Variants in SLC22A14 observed in about 807,000 individuals in gnomAD.
SLC22A14 encodes the protein organic cation transporter-like 4.
A neutral mutation model predicts 53.9 loss-of-function variants in SLC22A14; 50 were observed. The observed-to-expected ratio is 0.93, with a 90% confidence interval of 0.74 to 1.17. SLC22A14 has a LOEUF of 1.17. Ranked by LOEUF, SLC22A14 falls within the 50% of genes most tolerant of loss-of-function variation. SLC22A14 has a pLI of 0.00. For missense variants in SLC22A14, 671 were observed against 734.7 expected, an observed-to-expected ratio of 0.91 and a Z score of 1.00; for synonymous variants, 312 against 303.0, an observed-to-expected ratio of 1.03 and a Z score of -0.31.
intron 1 of SLC22A14, among the ~76,000 whole-genome samples, chr3:38,286,446 G>C (rs140820702): frequency 6.7e-6 from 1 of 148,612 alleles, no homozygotes; most frequent in Admixed American, 6.7e-5. Flanking sequence ...AGACAGAGTC[G>C]CTCTGTCACC....
intron 1 of SLC22A14, among the ~76,000 whole-genome samples, chr3:38,284,632 T>C (rs547972384): frequency 6.6e-6 from 1 of 152,132 alleles, no homozygotes; most frequent in Non-Finnish European, 1.5e-5. Flanking sequence ...TCTTCTGCAG[T>C]GCTTAGGGAG....
intron 5 of SLC22A14, among the ~76,000 whole-genome samples, chr3:38,310,148 T>G (rs1344372744): frequency 6.6e-6 from 1 of 151,628 alleles, no homozygotes; most frequent in Non-Finnish European, 1.5e-5. Flanking sequence ...GAGGCTGGGG[T>G]GGGAGGAGCG....
chr3:38,295,070 T>C (rs1703997672), intron 1 of SLC22A14, among the ~76,000 whole-genome samples: 1 of 152,028 alleles, frequency 6.6e-6, no homozygotes, highest in Non-Finnish European at 1.5e-5. Context: ...TCCACAAGAG[T>C]CTCCTTATCA....
intron 1 of SLC22A14, among the ~76,000 whole-genome samples, chr3:38,299,638 T>A (rs1704117064): frequency 6.6e-6 from 1 of 152,238 alleles, no homozygotes. Flanking sequence ...TCATAGCTCA[T>A]GGCAGCTTCA....
intron 1 of SLC22A14, among the ~76,000 whole-genome samples, chr3:38,299,559 T>A (rs1256534625): frequency 6.6e-6 from 1 of 152,236 alleles, no homozygotes; most frequent in African/African-American, 2.4e-5. Context: ...TTTTTACAGC[T>A]GCATAATGTC....
chr3:38,306,814 C>T (rs1306881047), intron 2 of SLC22A14, among the ~76,000 whole-genome samples: 3 of 152,212 alleles, frequency 2.0e-5, no homozygotes, highest in Non-Finnish European at 4.4e-5. Flanking sequence ...GTGGTTCTGA[C>T]CTCAGAACTC....
upstream of SLC22A14, among the ~76,000 whole-genome samples, chr3:38,281,705 T>C: frequency 6.6e-6 from 1 of 152,210 alleles, no homozygotes; most frequent in South Asian, 2.1e-4. Flanking sequence ...ACATGAGTTT[T>C]GGAGAGGACA....
chr3:38,313,685 T>TGTGTGTGTGTGCGCGTGC, intron 7 of SLC22A14, 42 bp from the exon 8 acceptor site: 1 of 801,974 alleles, frequency 1.2e-6, no homozygotes, highest in African/African-American at 1.7e-5. Context: ...TCCGTGTGTG[T>TGTGTGTGTGTGCGCGTGC]GCGCGCGTGT....
chr3:38,298,340 G>A (rs1704084227), intron 1 of SLC22A14, among the ~76,000 whole-genome samples: 1 of 152,124 alleles, frequency 6.6e-6, no homozygotes, highest in Admixed American at 6.6e-5. Context: ...CAATATCTGA[G>A]TACTAGGTGT....
chr3:38,298,599 T>A (rs1254964506), intron 1 of SLC22A14, among the ~76,000 whole-genome samples: 1 of 152,150 alleles, frequency 6.6e-6, no homozygotes, highest in East Asian at 1.9e-4. Flanking sequence ...AGTCTTGCTC[T>A]GTCACCCAGG....
intron 1 of SLC22A14, among the ~76,000 whole-genome samples, chr3:38,296,509 C>T (rs1387566389): frequency 6.6e-6 from 1 of 152,242 alleles, no homozygotes; most frequent in African/African-American, 2.4e-5. Context: ...TCCAATATTA[C>T]TCACTGCTTT....
rs990037174 is a variant in SLC22A14 at position 38,318,560 on chromosome 3, A to T, written c.*311A>T. 1.3e-5 allele frequency: 4 copies of T among 305,692 alleles called. No individual in the cohort carries two copies. The highest frequency in any genetic ancestry group is 6.4e-5 in the African/African-American group (3 of 47,230). The allele number at this position is 305,692 out of a possible 1,614,324, so 18.9% of individuals were successfully genotyped here. ...TGCTGTGATTCATTCCAATAAAGGT[A>T]CAATGTTGGTCTTGAGATGGCTGGG... is the stretch of plus-strand genomic sequence containing the variant. On this transcript the variant is annotated 3_prime_UTR_variant, in exon 11 of 11. Coordinates refer to ENST00000448498, the MANE Select transcript of SLC22A14 (RefSeq NM_001320033.2).
chr3:38,307,533 G>T lies in SLC22A14; in HGVS notation c.621-33G>T, dbSNP rs748232912. 1.2e-6 allele frequency: 2 copies of T among 1,608,414 alleles called. No homozygotes were observed. Among genetic ancestry groups the T allele is most frequent in the South Asian group, 2.2e-5 (2 of 90,480 alleles). The stretch of plus-strand genomic sequence containing the variant: ...GCTGGGGCCAGCCCGGGAGATCCCG[G>T]CACTTGGTGCAGCCTCCCTTTGACA... On this transcript the variant is annotated intron_variant, in intron 3 of 10. Coordinates refer to ENST00000448498, the MANE Select transcript of SLC22A14 (RefSeq NM_001320033.2). This position sits in a 1 kb window ranked among gnomAD's most constrained non-coding sequence, Gnocchi z 4.4.
At position 38,313,450 on chromosome 3, in the gene SLC22A14, G is replaced by A. The variant is rs1254104115; in HGVS notation, c.1128G>A (p.Gln376=). 1 of 1,613,764 alleles carries A rather than the reference G, an allele frequency of 6.2e-7. No individual in the cohort carries two copies. The highest frequency in any genetic ancestry group is 8.5e-7 in the Non-Finnish European group (1 of 1,179,636). The change falls in exon 7 of 11, where the codon CAG becomes CAA. Residue 376 remains glutamine, a synonymous_variant. Coordinates refer to ENST00000448498, the MANE Select transcript of SLC22A14 (RefSeq NM_001320033.2). Reference sequence around the variant, plus strand: ...TCCTGGACTTCTGTAAGAATAGGCAGCTCTGCAAGGTGACCTTGGTGATGA... The same window carrying A: ...TCCTGGACTTCTGTAAGAATAGGCAACTCTGCAAGGTGACCTTGGTGATGA... ...ASVLDFCKNR[Q]LCKVTLVMSC...
intron 5 of SLC22A14, among the ~76,000 whole-genome samples, chr3:38,310,377 A>T (rs184445845): frequency 3.3e-5 from 5 of 152,168 alleles, no homozygotes; most frequent in East Asian, 3.9e-4. Context: ...GATCCTGTTT[A>T]AAAAAAATTT....
rs369311650 is a variant in SLC22A14 at position 38,297,487 on chromosome 3, T to C, written c.1-8540T>C. The stretch of plus-strand genomic sequence containing the variant: ...TCCACTTTTATTTTAAGTTCAGGGG[T>C]ACATGTGCAGGATGTGCAGATTTGT... On this transcript the variant is annotated intron_variant, in intron 1 of 10. Coordinates refer to ENST00000448498, the MANE Select transcript of SLC22A14 (RefSeq NM_001320033.2). Among the ~76,000 whole-genome samples the C allele has an allele frequency of 2.8e-4, 42 of 152,236 alleles. No homozygotes were observed. In the East Asian group the frequency reaches 7.7e-3, roughly 28 times the overall value.
In SLC22A14 at chr3:38,315,575, C is replaced by T. The variant is rs764806953; in HGVS notation, c.1396C>T (p.Leu466Phe). The T allele has an allele frequency of 6.2e-7, 1 of 1,613,934 alleles. No homozygotes were observed. The highest frequency in any genetic ancestry group is 8.5e-7 in the Non-Finnish European group (1 of 1,179,932). The change falls in exon 9 of 11, where the codon CTC becomes TTC. Residue 466 changes from leucine (L) to phenylalanine (F), a missense_variant. Leu to Phe is a conservative substitution (Grantham distance 22). Transcript: ENST00000448498. Reference sequence around the variant, plus strand: ...CACCCCAGGGGAGGATGGCCTCAGACTCAAGTGGCCACGTTGTCCGGCCAC... The same window carrying T: ...CACCCCAGGGGAGGATGGCCTCAGATTCAAGTGGCCACGTTGTCCGGCCAC... ...FLPEGEDGLR[L>F]KWPRCPATEL... is the part of the protein sequence containing the mutation.
chr3:38,311,585 G>GC (rs1704468329), intron 5 of SLC22A14, among the ~76,000 whole-genome samples: 1 of 152,108 alleles, frequency 6.6e-6, no homozygotes, highest in African/African-American at 2.4e-5. Context: ...GTCAAGAGAA[G>GC]CCATACCACA....
chr3:38,283,622 G>C (rs573393510), intron 1 of SLC22A14, among the ~76,000 whole-genome samples: 5 of 152,298 alleles, frequency 3.3e-5, no homozygotes, highest in African/African-American at 1.2e-4. Flanking sequence ...TTGAGGTCAG[G>C]AGTTCGAGAC....
Sources: allele counts gnomAD v4.1 joint callset (sites outside exome capture counted in the v4.1 genomes callset), GRCh38; gene constraint gnomAD v4.1.1; non-coding constraint Gnocchi (gnomAD v3.1); transcripts MANE v1.5; gene names NCBI Gene and HGNC (gene_info 2026-07-23, HGNC 2026-07-21).